LDLRAD3: variants seen among roughly 807,000 people sequenced by gnomAD.
LDLRAD3 encodes low density lipoprotein receptor class A domain containing 3.
In LDLRAD3, 20 loss-of-function variants were observed where a neutral mutation model predicts 29.4. That is an observed-to-expected ratio of 0.68 (90% CI 0.48 to 0.99). The LOEUF (loss-of-function observed/expected upper bound fraction) is 0.99, where lower values mean the gene tolerates loss of function less well. LDLRAD3 is among the 50% of genes least tolerant of loss of function. The pLI is 0.00. For missense variants in LDLRAD3, 420 were observed against 454.3 expected (o/e 0.92, Z 0.69); for synonymous variants, 157 against 192.7 (o/e 0.81, Z 1.53).
intron 4 of LDLRAD3, among the ~76,000 whole-genome samples, chr11:36,133,806 GTA>G: frequency 6.6e-6 from 1 of 152,014 alleles, no homozygotes; most frequent in East Asian, 1.9e-4. Flanking sequence ...CAAAGTGTTG[GTA>G]TTACAGGCAT....
intron 1 of LDLRAD3, among the ~76,000 whole-genome samples, chr11:35,974,179 GC>G (rs1404020137): frequency 2.0e-5 from 3 of 152,084 alleles, no homozygotes; most frequent in Non-Finnish European, 4.4e-5. Context: ...ACTTAGGAAG[GC>G]CTTCCTCACT....
chr11:36,162,449 A>G (rs1038349780), intron 4 of LDLRAD3, among the ~76,000 whole-genome samples: 5 of 152,174 alleles, frequency 3.3e-5, no homozygotes, highest in Admixed American at 6.5e-5. Context: ...CTCCTGATTT[A>G]TAGCTTGCAA....
At chr11:36,025,426 T>C (rs1317396536) in intron 1 of LDLRAD3, among the ~76,000 whole-genome samples, 4 of 149,562 alleles carry the variant, frequency 2.7e-5, no homozygotes. Context: ...TCTCGCTCTC[T>C]CTCCCAGTCT....
chr11:35,973,086 T>C (rs1851435258), intron 1 of LDLRAD3, among the ~76,000 whole-genome samples: 1 of 150,460 alleles, frequency 6.6e-6, no homozygotes, highest in South Asian at 2.1e-4. Flanking sequence ...GAGCACATAA[T>C]GAAAGCTGTC....
intron 4 of LDLRAD3, among the ~76,000 whole-genome samples, chr11:36,152,075 TC>T (rs1374748556): frequency 2.7e-5 from 4 of 148,066 alleles, no homozygotes; most frequent in Admixed American, 2.6e-4. Flanking sequence ...ATGCTGAATT[TC>T]CAAACGCCTC....
intron 2 of LDLRAD3, among the ~76,000 whole-genome samples, chr11:36,067,830 A>T (rs1016448306): frequency 6.6e-6 from 1 of 151,440 alleles, no homozygotes; most frequent in Non-Finnish European, 1.5e-5. Flanking sequence ...GCCTGGCTAA[A>T]TTTTTTTTTG....
chr11:36,045,652 T>C (rs1852438357), intron 2 of LDLRAD3, among the ~76,000 whole-genome samples: 1 of 152,076 alleles, frequency 6.6e-6, no homozygotes, highest in Non-Finnish European at 1.5e-5. Context: ...TGGGAGGTAA[T>C]TGAATCATGG....
intron 4 of LDLRAD3, among the ~76,000 whole-genome samples, chr11:36,170,238 A>T (rs1287707992): frequency 6.7e-6 from 1 of 149,618 alleles, no homozygotes; most frequent in Admixed American, 6.7e-5. Context: ...CATGGTGTGT[A>T]TGTGTGTGTA....
chr11:35,995,921 G>A (rs1851748139), intron 1 of LDLRAD3, among the ~76,000 whole-genome samples: 1 of 152,198 alleles, frequency 6.6e-6, no homozygotes, highest in Non-Finnish European at 1.5e-5. Context: ...CCTGGATTAG[G>A]CTGTGGCTTA....
intron 4 of LDLRAD3, among the ~76,000 whole-genome samples, chr11:36,222,029 A>G (rs1179759840): frequency 3.3e-5 from 5 of 152,286 alleles, no homozygotes; most frequent in African/African-American, 1.2e-4. Context: ...TGTTTCTGAT[A>G]TATCTTGCTG....
chr11:35,975,143 T>C (rs1198753820), intron 1 of LDLRAD3, among the ~76,000 whole-genome samples: 1 of 152,228 alleles, frequency 6.6e-6, no homozygotes, highest in African/African-American at 2.4e-5. Flanking sequence ...CCATAATCCA[T>C]GTCTCCAGGC....
chr11:35,971,441 A>G lies in LDLRAD3; in HGVS notation c.46+27297A>G, dbSNP rs184706899. Among the ~76,000 whole-genome samples, 3 of 152,220 alleles carry G rather than the reference A, an allele frequency of 2.0e-5. No homozygotes were observed. The East Asian group carries it at 5.8e-4, about 29-fold the overall frequency. ...TTAAGTTACCTGTTAGGCTGTTAGG[A>G]TAGGCTGTAGCCCAGTTTGACCTAT... On this transcript the variant is annotated intron_variant, in intron 1 of 5. Transcript: ENST00000315571.
At chr11:36,070,685 TG>T (rs1402205521) in intron 2 of LDLRAD3, among the ~76,000 whole-genome samples, 1 of 152,168 alleles carries the variant, frequency 6.6e-6, no homozygotes, top group Admixed American at 6.5e-5. Context: ...AGATCCTTAG[TG>T]TGCTTAGTAA....
chr11:36,196,212 G>C (rs1855030263), intron 4 of LDLRAD3: 1 of 152,186 alleles, frequency 6.6e-6, no homozygotes, highest in African/African-American at 2.4e-5. Flanking sequence ...GGTGGAAATG[G>C]TAGAAAATGT....
intron 1 of LDLRAD3, among the ~76,000 whole-genome samples, chr11:35,951,501 A>G (rs1687911370): frequency 6.6e-6 from 1 of 152,168 alleles, no homozygotes; most frequent in Non-Finnish European, 1.5e-5. Flanking sequence ...CGGCTCTTGA[A>G]CAGACACCCC....
rs1855551433 is a variant in LDLRAD3 at position 36,229,771 on chromosome 11, C to G, written c.*374C>G. The G allele has an allele frequency of 5.2e-6, 1 of 192,274 alleles. No homozygotes were observed. Among genetic ancestry groups the G allele is most frequent in the African/African-American group, 2.3e-5 (1 of 43,280 alleles). 11.9% of individuals were successfully genotyped at this position (192,274 alleles called of 1,614,324 possible). A position where few individuals can be genotyped will look rare whatever the true frequency, so the allele number is the denominator to read the frequency against. ...CTCAGAAGTGCAGGAGACGCTGGAC[C>G]CAATTCTCTCTGCTGGGTAGTTACC... On this transcript the variant is annotated 3_prime_UTR_variant, in exon 6 of 6. Coordinates refer to ENST00000315571, the MANE Select transcript of LDLRAD3 (RefSeq NM_174902.4).
intron 1 of LDLRAD3, among the ~76,000 whole-genome samples, chr11:36,034,838 C>T (rs1433400847): frequency 2.0e-5 from 3 of 152,116 alleles, no homozygotes; most frequent in Non-Finnish European, 2.9e-5. Context: ...CCCAGCAGGC[C>T]GAAGGGCATC....
intron 2 of LDLRAD3, among the ~76,000 whole-genome samples, chr11:36,079,365 T>TGAGGAG (rs1177867125): frequency 6.6e-6 from 1 of 151,674 alleles, no homozygotes; most frequent in Non-Finnish European, 1.5e-5. Flanking sequence ...TTAGTGATGA[T>TGAGGAG]GAGGAGGATG....
chr11:36,078,123 G>T (rs954855319), intron 2 of LDLRAD3, among the ~76,000 whole-genome samples: 2 of 152,120 alleles, frequency 1.3e-5, no homozygotes, highest in Non-Finnish European at 2.9e-5. Context: ...GGCTGAGTCC[G>T]GAGTTTTTAT....
Sources: gnomAD v4.1 joint callset for allele counts (sites outside exome capture counted in the v4.1 genomes callset) on GRCh38, gnomAD v4.1.1 for gene constraint, MANE v1.5 for transcripts, NCBI Gene and HGNC (gene_info 2026-07-23, HGNC 2026-07-21) for gene names.